DNER: variants seen among roughly 807,000 people sequenced by gnomAD.
DNER encodes the protein delta/notch like EGF repeat containing.
A neutral mutation model predicts 78.2 loss-of-function variants in DNER; 33 were observed. That is an observed-to-expected ratio of 0.42 (90% CI 0.32 to 0.56). The LOEUF (loss-of-function observed/expected upper bound fraction) is 0.56, where lower values mean the gene tolerates loss of function less well. Ranked by LOEUF, DNER falls within the 20% of genes least tolerant of loss-of-function variation. The probability of loss-of-function intolerance (pLI) is 0.11; values close to 1 mark genes in which losing one functional copy is unlikely to be tolerated. For synonymous variants in DNER, 417 were observed against 384.8 expected, an observed-to-expected ratio of 1.08 and a Z score of -0.98; for missense variants, 918 against 975.3, an observed-to-expected ratio of 0.94 and a Z score of 0.78.
At chr2:229,652,604 T>G (rs1388442951) in intron 1 of DNER, among the ~76,000 whole-genome samples, 1 of 152,216 alleles carries the variant, frequency 6.6e-6, no homozygotes, top group African/African-American at 2.4e-5. Flanking sequence ...GGAGGCAACC[T>G]GACTGCTCTC....
intron 5 of DNER, among the ~76,000 whole-genome samples, chr2:229,514,742 G>GA (rs1432983989): frequency 1.3e-5 from 2 of 152,108 alleles, no homozygotes; most frequent in African/African-American, 4.8e-5. Flanking sequence ...TTGCACATGA[G>GA]ATCATGTTTT....
chr2:229,511,762 T>C (rs1159589186), intron 6 of DNER, among the ~76,000 whole-genome samples: 4 of 152,214 alleles, frequency 2.6e-5, no homozygotes, highest in Admixed American at 2.6e-4. Context: ...TCCAAGCCTC[T>C]ATTGGGCTGA....
intron 5 of DNER, among the ~76,000 whole-genome samples, chr2:229,531,493 TA>T (rs367852697): frequency 1.9e-4 from 29 of 151,006 alleles, no homozygotes; most frequent in East Asian, 1.2e-3. Context: ...ATGGCAAGAA[TA>T]AAAAAAAATG....
chr2:229,662,024 A>G (rs1699018017), intron 1 of DNER, among the ~76,000 whole-genome samples: 1 of 152,150 alleles, frequency 6.6e-6, no homozygotes, highest in Non-Finnish European at 1.5e-5. Flanking sequence ...GTCAATTAAT[A>G]TTTGGTTGAG....
intron 10 of DNER, among the ~76,000 whole-genome samples, chr2:229,406,206 C>T (rs1693377495): frequency 6.6e-6 from 1 of 152,156 alleles, no homozygotes; most frequent in South Asian, 2.1e-4. Flanking sequence ...AGTGGCTTAG[C>T]AGGGGAGAGG....
chr2:229,359,303 A>G (rs1272757898), intron 12 of DNER, among the ~76,000 whole-genome samples: 1 of 152,220 alleles, frequency 6.6e-6, no homozygotes, highest in African/African-American at 2.4e-5. Context: ...ACAGATTTGT[A>G]TGTATCAAAA....
intron 1 of DNER, among the ~76,000 whole-genome samples, chr2:229,655,008 GATGTTTTAAA>G (rs1698889886): frequency 6.6e-6 from 1 of 151,952 alleles, no homozygotes; most frequent in Non-Finnish European, 1.5e-5. Context: ...ACATCTTTCA[GATGTTTTAAA>G]AAAAATTCAT....
chr2:229,683,109 T>C (rs1169987034), intron 1 of DNER, among the ~76,000 whole-genome samples: 1 of 152,206 alleles, frequency 6.6e-6, no homozygotes, highest in Non-Finnish European at 1.5e-5. Context: ...AAATCCACAC[T>C]GATGACAATA....
At chr2:229,574,661 T>A (rs1041831528) in intron 4 of DNER, among the ~76,000 whole-genome samples, 2 of 152,168 alleles carry the variant, frequency 1.3e-5, no homozygotes, top group Admixed American at 1.3e-4. Context: ...ATATATTAAT[T>A]TCATAATAAA....
intron 1 of DNER, among the ~76,000 whole-genome samples, chr2:229,676,428 A>C (rs1699302498): frequency 6.6e-6 from 1 of 152,258 alleles, no homozygotes; most frequent in Non-Finnish European, 1.5e-5. Context: ...GCAAGTGCTA[A>C]ATCATAGTTG....
At chr2:229,686,727 C>G (rs1171521152) in intron 1 of DNER, among the ~76,000 whole-genome samples, 1 of 152,230 alleles carries the variant, frequency 6.6e-6, no homozygotes, top group Non-Finnish European at 1.5e-5. Context: ...TGGCTGAATG[C>G]CATATTGCCA....
chr2:229,589,207 C>A (rs1436103848), intron 2 of DNER, among the ~76,000 whole-genome samples: 1 of 152,184 alleles, frequency 6.6e-6, no homozygotes, highest in East Asian at 1.9e-4. Context: ...GCCACAATTA[C>A]TGTCCTCCCC....
chr2:229,497,546 A>C (rs772560916), intron 6 of DNER, among the ~76,000 whole-genome samples: 21 of 152,146 alleles, frequency 1.4e-4, no homozygotes, highest in Admixed American at 4.6e-4. Flanking sequence ...ACAAAACTTT[A>C]GCTAGACTAA....
chr2:229,548,885 T>C (rs1559163636), intron 4 of DNER, among the ~76,000 whole-genome samples: 1 of 152,048 alleles, frequency 6.6e-6, no homozygotes, highest in Admixed American at 6.6e-5. Context: ...CAATTTAACT[T>C]TACCCGATTT....
intron 5 of DNER, among the ~76,000 whole-genome samples, chr2:229,521,889 T>C (rs974538275): frequency 1.3e-5 from 2 of 152,210 alleles, no homozygotes; most frequent in Non-Finnish European, 2.9e-5. Flanking sequence ...GGTCTTATTG[T>C]TCTATTATTC....
At chr2:229,418,853 A>G (rs1202681644) in intron 8 of DNER, among the ~76,000 whole-genome samples, 3 of 151,996 alleles carry the variant, frequency 2.0e-5, no homozygotes, top group Admixed American at 6.6e-5. Flanking sequence ...CCTGGGAGGC[A>G]GAGGTTGCAG....
intron 6 of DNER, among the ~76,000 whole-genome samples, chr2:229,508,375 C>T (rs367903743): frequency 2.0e-5 from 3 of 152,152 alleles, no homozygotes; most frequent in Admixed American, 6.5e-5. Context: ...GAATGCATAT[C>T]TGTGCCTGTT....
chr2:229,655,911 C>T (rs1284048962), intron 1 of DNER, among the ~76,000 whole-genome samples: 2 of 152,038 alleles, frequency 1.3e-5, no homozygotes, highest in African/African-American at 2.4e-5. Context: ...AAGATGAAGG[C>T]AGGCATTCAC....
At chr2:229,581,460 A>G (rs746146069) in intron 4 of DNER, among the ~76,000 whole-genome samples, 1 of 152,234 alleles carries the variant, frequency 6.6e-6, no homozygotes, top group Non-Finnish European at 1.5e-5. Flanking sequence ...GGCAAATAAC[A>G]TATTTGGAAG....
Sources: gnomAD v4.1 joint callset for allele counts (sites outside exome capture counted in the v4.1 genomes callset) on GRCh38, gnomAD v4.1.1 for gene constraint, MANE v1.5 for transcripts, NCBI Gene and HGNC (gene_info 2026-07-23, HGNC 2026-07-21) for gene names.